Variants in WDR17 observed in about 807,000 individuals in gnomAD.
WDR17 encodes WD repeat-containing protein 17.
Under a neutral mutation model 161.7 loss-of-function variants are expected in WDR17, and 143 were observed. The ratio of observed to expected loss-of-function variants is 0.88; its 90% CI spans 0.77 to 1.02. WDR17 has a LOEUF of 1.02. WDR17 is among the 50% of genes least tolerant of loss of function. WDR17 has a pLI of 0.00. For synonymous variants in WDR17, 517 were observed against 515.6 expected (o/e 1.00, Z -0.04); for missense variants, 1,469 against 1,520.9 (o/e 0.97, Z 0.57).
intron 12 of WDR17, 34 bp downstream of exon 12, chr4:176,146,193 T>C (rs373118584): frequency 6.3e-7 from 1 of 1,594,328 alleles, no homozygotes; most frequent in Non-Finnish European, 8.6e-7. Context: ...TTCTAGTCCT[T>C]AAAATCATAA....
At chr4:176,125,647 C>T (rs1387549548) in intron 5 of WDR17, among the ~76,000 whole-genome samples, 3 of 152,116 alleles carry the variant, frequency 2.0e-5, no homozygotes, top group Non-Finnish European at 4.4e-5. Context: ...GTGCAAAAGA[C>T]AAAGACAGTT....
chr4:176,076,791 C>T (rs955886495), intron 1 of WDR17, among the ~76,000 whole-genome samples: 1 of 151,724 alleles, frequency 6.6e-6, no homozygotes, highest in African/African-American at 2.4e-5. Flanking sequence ...GAGAGGCGGC[C>T]CATATAGGCT....
chr4:176,093,740 A>C (rs538925814), intron 1 of WDR17, among the ~76,000 whole-genome samples: 1 of 151,052 alleles, frequency 6.6e-6, no homozygotes, highest in East Asian at 2.0e-4. Flanking sequence ...AAAGGTTTCA[A>C]CTCTGCACCC....
At chr4:176,109,332 A>AAG (rs902065678) in intron 1 of WDR17, among the ~76,000 whole-genome samples, 60 of 152,286 alleles carry the variant, frequency 3.9e-4, no homozygotes, top group African/African-American at 1.3e-3. Flanking sequence ...GTAAAAAAAA[A>AAG]AAGAAGTGTA....
chr4:176,092,228 A>G (rs952131319), intron 1 of WDR17, among the ~76,000 whole-genome samples: 3 of 152,188 alleles, frequency 2.0e-5, no homozygotes, highest in Non-Finnish European at 4.4e-5. Context: ...ATTCAACAGC[A>G]TATTAAAAAA....
In WDR17 at chr4:176,171,602, C is replaced by T. The variant is rs190077821; in HGVS notation, c.3103-773C>T. Among the ~76,000 whole-genome samples, 515 of 151,928 alleles carry T rather than the reference C, an allele frequency of 3.4e-3. 2 individuals carry two copies. Among genetic ancestry groups the T allele is most frequent in the African/African-American group, 0.012 (491 of 41,412 alleles). On this transcript the variant is annotated intron_variant, in intron 23 of 28. Transcript: ENST00000508596. ...TATTAATAAATAAATTGAAACAAAC[C>T]ATGAAACTATTTTATCCACATTGTT...
intron 5 of WDR17, among the ~76,000 whole-genome samples, 155 bp downstream of exon 5, chr4:176,125,510 A>C (rs1443015026): frequency 6.6e-6 from 1 of 152,202 alleles, no homozygotes; most frequent in Non-Finnish European, 1.5e-5. Context: ...TTTTATTTAT[A>C]TTGTATGTCA....
chr4:176,100,106 A>G (rs1003371288), intron 1 of WDR17, among the ~76,000 whole-genome samples: 1 of 152,150 alleles, frequency 6.6e-6, no homozygotes, highest in Non-Finnish European at 1.5e-5. Flanking sequence ...ACACAGTAGT[A>G]GGATTACTGG....
intron 18 of WDR17, among the ~76,000 whole-genome samples, chr4:176,158,167 A>G (rs1437386381): frequency 6.6e-6 from 1 of 152,244 alleles, no homozygotes; most frequent in Non-Finnish European, 1.5e-5. Context: ...TTCTTCATTT[A>G]GAATATCCGC....
At chr4:176,066,949 G>T (rs140661375) in intron 1 of WDR17, among the ~76,000 whole-genome samples, 1 of 152,100 alleles carries the variant, frequency 6.6e-6, no homozygotes, top group Admixed American at 6.6e-5. Flanking sequence ...ACATTTCTGC[G>T]TTGTAAAAAT....
chr4:176,174,683 C>T lies in WDR17; in HGVS notation c.3414C>T (p.Tyr1138=). ...CATTACTGGCTATCAGAAGACAGTA[C>T]CAAAGCATTGTTCCAGCACTTTATG... ...IGALLAIRRQ[Y]QSIVPALYEY... is the part of the protein sequence containing the mutation. The change falls in exon 26 of 29, where the codon TAC becomes TAT. Residue 1138 remains tyrosine (Y), a synonymous_variant. Coordinates refer to ENST00000508596, the MANE Select transcript of WDR17 (RefSeq NM_181265.4). The T allele has an allele frequency of 3.7e-6, 6 of 1,611,690 alleles. No homozygotes were observed. Among genetic ancestry groups the T allele is most frequent in the Non-Finnish European group, 5.1e-6 (6 of 1,178,508 alleles).
At chr4:176,112,940 T>C (rs1052466513) in intron 2 of WDR17, among the ~76,000 whole-genome samples, 1 of 152,140 alleles carries the variant, frequency 6.6e-6, no homozygotes, top group Non-Finnish European at 1.5e-5. Flanking sequence ...TGCATTATGC[T>C]TTATTCAAAA....
intron 1 of WDR17, among the ~76,000 whole-genome samples, chr4:176,104,651 T>G (rs1286707115): frequency 6.6e-6 from 1 of 151,994 alleles, no homozygotes; most frequent in East Asian, 1.9e-4. Context: ...TGAAGCTAAT[T>G]TGGAATAAAG....
rs1013989954 is a variant in WDR17, at chr4:176,179,946, C to G, written c.*367C>G. On this transcript the variant is annotated 3_prime_UTR_variant, in exon 29 of 29. Coordinates refer to ENST00000508596, the MANE Select transcript of WDR17 (RefSeq NM_181265.4). ...AAATTGTGCAACACCTAGAATAGTG[C>G]TAGACATACAGTAAGTACTTAATGG... 2.6e-5 allele frequency: 4 copies of G among 152,278 alleles called. No homozygotes were observed. Among genetic ancestry groups the G allele is most frequent in the African/African-American group, 9.7e-5 (4 of 41,386 alleles). 9.4% of individuals were successfully genotyped at this position (152,278 alleles called of 1,614,324 possible). A position where few individuals can be genotyped will look rare whatever the true frequency, so the allele number is the denominator to read the frequency against.
chr4:176,118,854 G>A (rs1226089738), intron 3 of WDR17, among the ~76,000 whole-genome samples: 6 of 151,800 alleles, frequency 4.0e-5, no homozygotes, highest in Non-Finnish European at 2.9e-5. Context: ...CCAGCTACTC[G>A]GGAGGCTGAG....
At chr4:176,167,460 C>T (rs1051749279) in intron 22 of WDR17, among the ~76,000 whole-genome samples, 265 of 150,778 alleles carry the variant, frequency 1.8e-3, no homozygotes, top group African/African-American at 6.3e-3. Context: ...TCCTGGCTAA[C>T]ACGGTGAAAC....
intron 1 of WDR17, among the ~76,000 whole-genome samples, chr4:176,069,349 T>C (rs114506638): frequency 2.6e-3 from 403 of 152,202 alleles, no homozygotes; most frequent in African/African-American, 9.3e-3. Context: ...TCTGTAATTC[T>C]ACATTCTAAT....
At chr4:176,160,154 A>G (rs772827040) in intron 19 of WDR17, 28 bp downstream of exon 19, 6 of 1,610,356 alleles carry the variant, frequency 3.7e-6, no homozygotes, top group Non-Finnish European at 5.1e-6. Context: ...CCCCAGTCAC[A>G]TACATGAATG....
rs1272757038 is a variant in WDR17 at position 176,096,177 on chromosome 4, C to G, written c.-6-15398C>G. On this transcript the variant is annotated intron_variant, in intron 1 of 28. Transcript: ENST00000508596. ...ATTTTTATGGATACCTTATTTTTAA[C>G]TTGGTAACTTTTAGAAATCATTGAC... is the stretch of plus-strand genomic sequence containing the variant. 3.3e-5 allele frequency among the ~76,000 whole-genome samples: 5 copies of G among 152,054 alleles called. No homozygotes were observed. The East Asian group carries it at 9.6e-4, about 29-fold the overall frequency.
Sources: allele counts gnomAD v4.1 joint callset (sites outside exome capture counted in the v4.1 genomes callset), GRCh38; gene constraint gnomAD v4.1.1; transcripts MANE v1.5; gene names NCBI Gene and HGNC (gene_info 2026-07-23, HGNC 2026-07-21).